GPHN: variants seen among roughly 807,000 people sequenced by gnomAD.
GPHN encodes the protein gephyrin.
A neutral mutation model predicts 95.5 loss-of-function variants in GPHN; 17 were observed. The ratio of observed to expected loss-of-function variants is 0.18; its 90% CI spans 0.12 to 0.27. The LOEUF is 0.27. GPHN is among the 10% of genes least tolerant of loss of function. GPHN has a pLI of 1.00. For synonymous variants in GPHN, 320 were observed against 322.5 expected (o/e 0.99, Z 0.08); for missense variants, 660 against 978.1 (o/e 0.67, Z 4.34).
chr14:67,095,948 AAAAAG>A (rs534430408), intron 12 of GPHN, among the ~76,000 whole-genome samples: 9 of 145,636 alleles, frequency 6.2e-5, no homozygotes, highest in South Asian at 2.2e-4. Context: ...AAAAACAAAA[AAAAAG>A]AAAAGAAAAA....
At chr14:67,218,042 T>G in the GPHN span, among the ~76,000 whole-genome samples, 2 of 151,956 alleles carry the variant, frequency 1.3e-5, no homozygotes, top group Admixed American at 1.3e-4. Flanking sequence ...GTTTCTTTAG[T>G]GTTTGCAAGT....
chr14:67,687,456 C>T, the GPHN span, among the ~76,000 whole-genome samples: 2 of 142,046 alleles, frequency 1.4e-5, no homozygotes, highest in East Asian at 4.3e-4. Flanking sequence ...TGTTTCTCAG[C>T]CTCCATATTC....
At chr14:66,677,345 T>C (rs957126091) in intron 1 of GPHN, among the ~76,000 whole-genome samples, 6 of 152,112 alleles carry the variant, frequency 3.9e-5, no homozygotes, top group African/African-American at 1.4e-4. Flanking sequence ...CTTGAGGTGC[T>C]TTGTCAGATT....
At chr14:67,732,126 CAAAAAAAAAA>C in the GPHN span, among the ~76,000 whole-genome samples, 4 of 77,528 alleles carry the variant, frequency 5.2e-5, no homozygotes, top group South Asian at 3.8e-4. Context: ...GACTCTGTCT[CAAAAAAAAAA>C]AAAAAAAAAA....
At chr14:66,809,231 TA>T (rs1361144159) in intron 3 of GPHN, among the ~76,000 whole-genome samples, 1 of 152,096 alleles carries the variant, frequency 6.6e-6, no homozygotes, top group Non-Finnish European at 1.5e-5. Flanking sequence ...ATGATAAAAA[TA>T]AGGCTTATGC....
chr14:66,987,687 T>C (rs2071117112), intron 9 of GPHN, among the ~76,000 whole-genome samples: 1 of 152,066 alleles, frequency 6.6e-6, no homozygotes, highest in Non-Finnish European at 1.5e-5. Context: ...AGGATGGTTA[T>C]AGTATTTATT....
chr14:66,860,722 A>G (rs1276364633), intron 4 of GPHN, among the ~76,000 whole-genome samples: 1 of 152,074 alleles, frequency 6.6e-6, no homozygotes, highest in Non-Finnish European at 1.5e-5. Flanking sequence ...GACACAACAA[A>G]AAGTTAAAAA....
At chr14:67,340,514 G>A in the GPHN span, 3 of 1,582,804 alleles carry the variant, frequency 1.9e-6, no homozygotes, top group African/African-American at 1.8e-5. Context: ...TCCGGGGAAT[G>A]ATGACTAGAA....
chr14:67,469,646 C>CTGA, the GPHN span, among the ~76,000 whole-genome samples: 1 of 149,984 alleles, frequency 6.7e-6, no homozygotes, highest in Non-Finnish European at 1.5e-5. Flanking sequence ...GGGCAGCGGC[C>CTGA]TGGTGGTGGT....
At chr14:66,685,683 C>A (rs1179593639) in intron 2 of GPHN, among the ~76,000 whole-genome samples, 3 of 151,990 alleles carry the variant, frequency 2.0e-5, no homozygotes, top group African/African-American at 7.3e-5. Flanking sequence ...AAAATTTTCT[C>A]CCATTCTGTA....
At chr14:67,225,330 G>T in the GPHN span, 2 of 1,148,232 alleles carry the variant, frequency 1.7e-6, no homozygotes, top group East Asian at 6.0e-5. Flanking sequence ...ACACAAAAAA[G>T]TTGTTAATAA....
the GPHN span, among the ~76,000 whole-genome samples, chr14:67,315,113 C>T: frequency 9.0e-6 from 1 of 111,650 alleles, no homozygotes; most frequent in African/African-American, 5.4e-5. Flanking sequence ...TCATTTCCAT[C>T]TCTCATTAAT....
chr14:66,683,329 A>T (rs1437284707), intron 2 of GPHN, among the ~76,000 whole-genome samples: 2 of 7,924 alleles, frequency 2.5e-4, no homozygotes, highest in African/African-American at 8.7e-4. Flanking sequence ...CCAATGTGGA[A>T]ATATATATAT....
chr14:66,686,834 T>G (rs2067394603), intron 2 of GPHN, among the ~76,000 whole-genome samples: 2 of 152,200 alleles, frequency 1.3e-5, no homozygotes, highest in South Asian at 4.1e-4. Flanking sequence ...GTGCCAGTTT[T>G]TAAAGAGAAT....
intron 1 of GPHN, among the ~76,000 whole-genome samples, chr14:66,679,080 G>T (rs1046029490): frequency 1.3e-5 from 2 of 152,236 alleles, no homozygotes; most frequent in African/African-American, 4.8e-5. Context: ...TACGCACTAG[G>T]TGGGCCAGCC....
At chr14:66,642,659 G>A (rs1031586116) in intron 1 of GPHN, among the ~76,000 whole-genome samples, 14 of 151,452 alleles carry the variant, frequency 9.2e-5, no homozygotes, top group African/African-American at 3.4e-4. Flanking sequence ...GTTTTGAGCT[G>A]CAAAGTTTGT....
chr14:67,203,032 A>G, the GPHN span: 1 of 1,545,310 alleles, frequency 6.5e-7, no homozygotes, highest in Non-Finnish European at 8.8e-7. Flanking sequence ...TTCTCAGGCA[A>G]GCAAGGTTGT....
the GPHN span, chr14:67,208,024 C>A: frequency 2.2e-6 from 1 of 455,170 alleles, no homozygotes. Context: ...CTGCCGCCAA[C>A]ACACCCGGGG....
chr14:67,280,846 TCC>T, the GPHN span, among the ~76,000 whole-genome samples: 1 of 127,718 alleles, frequency 7.8e-6, no homozygotes, highest in East Asian at 2.2e-4. Flanking sequence ...CTTCCTTCCT[TCC>T]TTCCTTCCCT....
Sources: gnomAD v4.1 joint callset for allele counts (sites outside exome capture counted in the v4.1 genomes callset) on GRCh38, gnomAD v4.1.1 for gene constraint, MANE v1.5 for transcripts, NCBI Gene and HGNC (gene_info 2026-07-23, HGNC 2026-07-21) for gene names.